Variants in FREM2 observed in about 807,000 individuals in gnomAD.
The protein encoded by FREM2 is FRAS1 related extracellular matrix 2.
Under a neutral mutation model 219.9 loss-of-function variants are expected in FREM2, and 119 were observed. The ratio of observed to expected loss-of-function variants is 0.54; its 90% CI spans 0.47 to 0.63. The LOEUF is 0.63. Ranked by LOEUF, FREM2 falls within the 30% of genes least tolerant of loss-of-function variation. The pLI is 0.00. For missense variants in FREM2, 4,030 were observed against 3,993.6 expected (o/e 1.01, Z -0.25); for synonymous variants, 1,562 against 1,522.8 (o/e 1.03, Z -0.60).
rs374250366 is a variant in FREM2, at chr13:38,874,596, G to A, written c.8281+10G>A. ...GTGCTGTCACATCCCGGTAAGCCCCGTTATCTTTTAACAACCACTCCTCAC... is the reference window on the plus strand; with the variant it reads ...GTGCTGTCACATCCCGGTAAGCCCCATTATCTTTTAACAACCACTCCTCAC... On this transcript the variant is annotated intron_variant, in intron 18 of 23. Coordinates refer to ENST00000280481, the MANE Select transcript of FREM2 (RefSeq NM_207361.6). The A allele has an allele frequency of 2.2e-5, 36 of 1,607,670 alleles. No individual in the cohort carries two copies. The highest frequency in any genetic ancestry group is 1.2e-4 in the African/African-American group (9 of 74,744).
At chr13:38,866,065 A>G (rs1028688164) in intron 16 of FREM2, among the ~76,000 whole-genome samples, 2 of 152,174 alleles carry the variant, frequency 1.3e-5, no homozygotes, top group African/African-American at 4.8e-5. Context: ...GCTGCCTTCA[A>G]TCCATTACTA....
Position 38,837,890 on chromosome 13 carries a change from C to T in FREM2, c.6020-8683C>T, listed in dbSNP as rs946323613. Among the ~76,000 whole-genome samples the T allele has an allele frequency of 7.2e-5, 11 of 151,902 alleles. No individual in the cohort carries two copies. In the South Asian group the frequency reaches 8.3e-4, roughly 12 times the overall value. On this transcript the variant is annotated intron_variant, in intron 6 of 23. Transcript: ENST00000280481. Reference sequence around the variant, plus strand: ...GATGGGTCTTCTGAATACAGCACACCGATGGGTCTTGACTCTTTATCCAAT... The same window carrying T: ...GATGGGTCTTCTGAATACAGCACACTGATGGGTCTTGACTCTTTATCCAAT...
At chr13:38,710,551 C>G (rs1410262178) in intron 2 of FREM2, among the ~76,000 whole-genome samples, 1 of 152,170 alleles carries the variant, frequency 6.6e-6, no homozygotes, top group Non-Finnish European at 1.5e-5. Context: ...ATGTACCACT[C>G]TGTACTGGAA....
At chr13:38,809,105 T>C (rs2137860784) in intron 6 of FREM2, among the ~76,000 whole-genome samples, 1 of 151,818 alleles carries the variant, frequency 6.6e-6, no homozygotes, top group South Asian at 2.1e-4. Context: ...TTTTTTTTCT[T>C]TGACGGATTA....
In FREM2 at chr13:38,882,120, G is replaced by A. The variant is rs1203762288; in HGVS notation, c.*1333G>A. ...TCCCAAAGCCAAGGAACTTGAGTGA[G>A]CTTCCTTGGCAAGCCTCCCATTGCC... On this transcript the variant is annotated 3_prime_UTR_variant, in exon 24 of 24. Transcript: ENST00000280481. 2 of 152,124 alleles carry A rather than the reference G, an allele frequency of 1.3e-5. No individual in the cohort carries two copies. Among genetic ancestry groups the A allele is most frequent in the African/African-American group, 4.8e-5 (2 of 41,418 alleles). 9.4% of individuals were successfully genotyped at this position (152,124 alleles called of 1,614,324 possible).
intron 4 of FREM2, among the ~76,000 whole-genome samples, chr13:38,774,153 T>C (rs999322015): frequency 5.9e-5 from 9 of 152,122 alleles, no homozygotes; most frequent in Admixed American, 5.2e-4. Flanking sequence ...GTTTTACTTA[T>C]CTTGTATATG....
rs1232799850 is a variant in FREM2, at chr13:38,687,186, G to A, written c.-159G>A. The stretch of plus-strand genomic sequence containing the variant: ...GCGGCTCCAGCCCGGACGGCGCCGC[G>A]CAACTTTGCCATCCTTCTGGCCCAG... On this transcript the variant is annotated 5_prime_UTR_variant, in exon 1 of 24. Coordinates refer to ENST00000280481, the MANE Select transcript of FREM2 (RefSeq NM_207361.6). 8 of 1,040,482 alleles carry A rather than the reference G, an allele frequency of 7.7e-6. No homozygotes were observed. The highest frequency in any genetic ancestry group is 1.1e-5 in the Non-Finnish European group (8 of 713,760). 64.5% of individuals were successfully genotyped at this position (1,040,482 alleles called of 1,614,324 possible).
At chr13:38,762,015 ATAG>A (rs1351019523) in intron 2 of FREM2, among the ~76,000 whole-genome samples, 1 of 152,182 alleles carries the variant, frequency 6.6e-6, no homozygotes, top group Non-Finnish European at 1.5e-5. Context: ...AGGCAGACGA[ATAG>A]TAGTCCAGCA....
chr13:38,723,645 C>T (rs917736760), intron 2 of FREM2, among the ~76,000 whole-genome samples: 3 of 152,186 alleles, frequency 2.0e-5, no homozygotes, highest in Non-Finnish European at 4.4e-5. Flanking sequence ...TCTATTCCTT[C>T]TCAACCTCCA....
At chr13:38,766,742 A>T (rs916850187) in intron 3 of FREM2, among the ~76,000 whole-genome samples, 1 of 152,232 alleles carries the variant, frequency 6.6e-6, no homozygotes, top group Admixed American at 6.5e-5. Context: ...CCACATTAGT[A>T]TATGCATTTC....
Position 38,688,150 on chromosome 13 carries a change from C to T in FREM2, c.806C>T (p.Thr269Ile), listed in dbSNP as rs369046419. The T allele has an allele frequency of 2.7e-5, 44 of 1,613,314 alleles. No homozygotes were observed. The highest frequency in any genetic ancestry group is 1.0e-4 in the Admixed American group (6 of 60,012). Residue 269 changes from threonine to isoleucine, a missense_variant, in exon 1 of 24, where the codon ACA (threonine) becomes ATA (isoleucine). Coordinates refer to ENST00000280481, the MANE Select transcript of FREM2 (RefSeq NM_207361.6). ...FQELGVRYRH[T>I]AASRSPNRDW... Reference sequence around the variant, plus strand: ...GAACTAGGCGTGCGCTATCGCCACACAGCCGCCAGTCGCTCACCAAACAGG... The same window carrying T: ...GAACTAGGCGTGCGCTATCGCCACATAGCCGCCAGTCGCTCACCAAACAGG...
In FREM2 at chr13:38,692,359, C is replaced by G. The variant is rs753033033; in HGVS notation, c.5015C>G (p.Thr1672Ser). ...KGASTLRTLA[T>S]GHLGFMITSK... ...GCCTCTACACTTCGCACTCTAGCCACTGGCCACTTGGGGTTCATGATCACA... is the reference window on the plus strand; with the variant it reads ...GCCTCTACACTTCGCACTCTAGCCAGTGGCCACTTGGGGTTCATGATCACA... The change falls in exon 1 of 24, where the codon ACT (threonine) becomes AGT (serine). Residue 1672 changes from threonine to serine, a missense_variant. Thr to Ser is a moderately conservative substitution (Grantham distance 58, BLOSUM62 1). This residue lies in a region of FREM2 where 3,102 missense variants were observed against 2,950.7 expected (regional missense o/e 1.05). Coordinates refer to ENST00000280481, the MANE Select transcript of FREM2 (RefSeq NM_207361.6). 1 of 1,605,572 alleles carries G rather than the reference C, an allele frequency of 6.2e-7. No homozygotes were observed. The highest frequency in any genetic ancestry group is 1.7e-5 in the Admixed American group (1 of 59,248).
chr13:38,828,692 CAGAG>C (rs368950529), intron 6 of FREM2, among the ~76,000 whole-genome samples: 1 of 150,752 alleles, frequency 6.6e-6, no homozygotes, highest in Non-Finnish European at 1.5e-5. Flanking sequence ...GACTGGGCAA[CAGAG>C]AGAGAGAGAC....
chr13:38,788,125 T>C lies in FREM2; in HGVS notation c.6019+3317T>C, dbSNP rs56036567. Among the ~76,000 whole-genome samples, 591 of 152,234 alleles carry C rather than the reference T, an allele frequency of 3.9e-3. 8 individuals are homozygous for C. The highest frequency in any genetic ancestry group is 0.013 in the African/African-American group (549 of 41,548). ...CATTTAGAGGGTTATTTTCTTTCTT[T>C]ACAGTTACTTGAAATAGCACTAGCA... On this transcript the variant is annotated intron_variant, in intron 6 of 23. Coordinates refer to ENST00000280481, the MANE Select transcript of FREM2 (RefSeq NM_207361.6).
At chr13:38,811,135 G>A (rs188174680) in intron 6 of FREM2, among the ~76,000 whole-genome samples, 293 of 151,932 alleles carry the variant, frequency 1.9e-3, no homozygotes, top group African/African-American at 6.6e-3. Flanking sequence ...ATGATCCTTT[G>A]AATTTCTGTG....
intron 4 of FREM2, among the ~76,000 whole-genome samples, chr13:38,775,479 CAT>C (rs578229107): frequency 4.6e-4 from 70 of 152,286 alleles, no homozygotes; most frequent in African/African-American, 1.7e-3. Context: ...AAGTATAGCA[CAT>C]AGTTTCTGAC....
rs1869844916 is a variant in FREM2 at position 38,691,373 on chromosome 13, T to G, written c.4029T>G (p.Ile1343Met). ...AAGACAAATCTTTGGTTTATATTAT[T>G]CGTTATGGGCCAGGACATGGCTTAT... ...DSEDKSLVYI[I>M]RYGPGHGLLQ... Residue 1343 changes from isoleucine to methionine, a missense_variant, in exon 1 of 24, where the codon ATT becomes ATG. Ile to Met is a conservative substitution (Grantham distance 10, BLOSUM62 1). Coordinates refer to ENST00000280481, the MANE Select transcript of FREM2 (RefSeq NM_207361.6). 2 of 1,614,006 alleles carry G rather than the reference T, an allele frequency of 1.2e-6. No homozygotes were observed. Among genetic ancestry groups the G allele is most frequent in the Non-Finnish European group, 1.7e-6 (2 of 1,179,966 alleles).
At chr13:38,867,739 C>G (rs926244149) in intron 16 of FREM2, among the ~76,000 whole-genome samples, 5 of 152,198 alleles carry the variant, frequency 3.3e-5, no homozygotes, top group Non-Finnish European at 5.9e-5. Flanking sequence ...TATCCAAGGG[C>G]AGGAAAAGAA....
Position 38,783,292 on chromosome 13 carries a change from A to G in FREM2, c.5767+97A>G, listed in dbSNP as rs1874193765. ...CATAACATTTTACCATGAGGGGTAT[A>G]CTTTATTAATTTTCCATAGATACAG... On this transcript the variant is annotated intron_variant, in intron 5 of 23. Transcript: ENST00000280481. 5 of 1,288,280 alleles carry G rather than the reference A, an allele frequency of 3.9e-6. No homozygotes were observed. The East Asian group carries it at 1.2e-4, about 30-fold the overall frequency. 79.8% of individuals were successfully genotyped at this position (1,288,280 alleles called of 1,614,324 possible). A position where few individuals can be genotyped will look rare whatever the true frequency, so the allele number is the denominator to read the frequency against.
Sources: allele counts gnomAD v4.1 joint callset (sites outside exome capture counted in the v4.1 genomes callset), GRCh38; gene constraint gnomAD v4.1.1; regional missense constraint gnomAD v4.1.1; transcripts MANE v1.5; gene names NCBI Gene and HGNC (gene_info 2026-07-23, HGNC 2026-07-21).